Variants in PPP1R13B observed in about 807,000 individuals in gnomAD.
PPP1R13B encodes protein phosphatase 1 regulatory subunit 13B, also known as apoptosis-stimulating of p53 protein 1.
In PPP1R13B, 44 loss-of-function variants were observed where a neutral mutation model predicts 119.8. That is an observed-to-expected ratio of 0.37 (90% CI 0.29 to 0.47). The LOEUF (loss-of-function observed/expected upper bound fraction) is 0.47, where lower values mean the gene tolerates loss of function less well. Among genes scored for constraint, PPP1R13B ranks in the 20% least tolerant of loss-of-function variants. The probability of loss-of-function intolerance (pLI) is 0.99; values close to 1 mark genes in which losing one functional copy is unlikely to be tolerated. For synonymous variants in PPP1R13B, 542 were observed against 561.5 expected, an observed-to-expected ratio of 0.97 and a Z score of 0.49; for missense variants, 1,227 against 1,413.5, an observed-to-expected ratio of 0.87 and a Z score of 2.12.
At chr14:103,847,590 C>T (rs2087089852), upstream of PPP1R13B, 1 of 986,548 alleles carries the variant, frequency 1.0e-6, no homozygotes, top group Non-Finnish European at 1.2e-6. Context: ...CCCGCCCGCC[C>T]GGCTCGCTCT....
rs536314336 is a variant in PPP1R13B at position 103,770,747 on chromosome 14, A to T, written c.354+7998T>A. On this transcript the variant is annotated intron_variant, in intron 4 of 16. Transcript: ENST00000202556. ...GACACCCTGTATCACACTCCTGGTA[A>T]CAACACCTAAAAGGCAAGATAAAAC... 2.6e-5 allele frequency among the ~76,000 whole-genome samples: 4 copies of T among 152,306 alleles called. No homozygotes were observed. The South Asian group carries it at 8.3e-4, about 32-fold the overall frequency.
chr14:103,839,410 C>T (rs1417420037), intron 1 of PPP1R13B, among the ~76,000 whole-genome samples: 2 of 151,930 alleles, frequency 1.3e-5, no homozygotes, highest in Admixed American at 6.6e-5. Flanking sequence ...GGCAGATCAC[C>T]TGACGTTGGG....
chr14:103,782,469 G>A (rs985626716), intron 3 of PPP1R13B, among the ~76,000 whole-genome samples: 3 of 152,194 alleles, frequency 2.0e-5, no homozygotes, highest in Non-Finnish European at 4.4e-5. Context: ...ATGTGCCAGG[G>A]CACAGCTTTA....
chr14:103,737,708 G>A lies in PPP1R13B; in HGVS notation c.3017C>T (p.Ser1006Phe). The A allele has an allele frequency of 1.2e-6, 2 of 1,614,216 alleles. No homozygotes were observed. The highest frequency in any genetic ancestry group is 1.7e-6 in the Non-Finnish European group (2 of 1,180,034). The change falls in exon 15 of 17, where the codon TCC (serine) becomes TTC (phenylalanine). Residue 1006 changes from serine to phenylalanine, a missense_variant. Ser to Phe is a radical substitution (Grantham distance 155, BLOSUM62 -2). Transcript: ENST00000202556. Reference sequence around the variant, plus strand: ...CCCCTGCGTACCATATAGAAACTGGGAGCACTGGATGTAGCCTTCCTCCAT... The same window carrying A: ...CCCCTGCGTACCATATAGAAACTGGAAGCACTGGATGTAGCCTTCCTCCAT... Reference protein sequence around the residue: ...EEMEEGYIQCSQFLYGVQEKL... With the variant: ...EEMEEGYIQCFQFLYGVQEKL...
At chr14:103,766,497 C>T (rs147859027) in intron 4 of PPP1R13B, among the ~76,000 whole-genome samples, 46 of 152,320 alleles carry the variant, frequency 3.0e-4, no homozygotes, top group Non-Finnish European at 4.3e-4. Flanking sequence ...CTGGCTGCAG[C>T]TTGGTATCCG....
Position 103,742,429 on chromosome 14 carries a change from T to C in PPP1R13B, c.1321-138A>G, listed in dbSNP as rs1349121152. 7.6e-7 allele frequency: 1 copy of C among 1,310,144 alleles called. No individual in the cohort carries two copies. The highest frequency in any genetic ancestry group is 1.0e-6 in the Non-Finnish European group (1 of 971,016). The allele number at this position is 1,310,144 out of a possible 1,614,324, so 81.2% of individuals were successfully genotyped here. On this transcript the variant is annotated intron_variant, in intron 10 of 16. Coordinates refer to ENST00000202556, the MANE Select transcript of PPP1R13B (RefSeq NM_015316.3). The surrounding 1 kb of genome is among the most constrained non-coding windows in gnomAD (Gnocchi z 4.9). ...TGTGACCAGGACTTGGGGCACACTG[T>C]TGAGCTCATTGCCTGTCTGCAAAAG...
At chr14:103,756,021 A>G (rs551172369) in intron 5 of PPP1R13B, among the ~76,000 whole-genome samples, 1 of 152,186 alleles carries the variant, frequency 6.6e-6, no homozygotes, top group African/African-American at 2.4e-5. Context: ...AAATCTCTCT[A>G]CAGAAGAAAG....
intron 1 of PPP1R13B, among the ~76,000 whole-genome samples, chr14:103,801,893 A>G (rs913318720): frequency 2.6e-5 from 4 of 152,188 alleles, no homozygotes; most frequent in African/African-American, 7.2e-5. Context: ...GCACATTTCT[A>G]TTTTACAATA....
intron 4 of PPP1R13B, among the ~76,000 whole-genome samples, chr14:103,767,833 A>G (rs1024586096): frequency 2.0e-5 from 3 of 152,044 alleles, no homozygotes; most frequent in Non-Finnish European, 2.9e-5. Flanking sequence ...TTCTTTTGGG[A>G]AGTATTGCCC....
At chr14:103,743,212 A>G (rs373691788) in intron 9 of PPP1R13B, among the ~76,000 whole-genome samples, 18 of 152,384 alleles carry the variant, frequency 1.2e-4, no homozygotes, top group African/African-American at 3.8e-4. Context: ...ACTATTTATG[A>G]ATACAATTAC....
intron 2 of PPP1R13B, among the ~76,000 whole-genome samples, chr14:103,789,643 A>T (rs1193522230): frequency 2.0e-5 from 3 of 151,972 alleles, no homozygotes; most frequent in Non-Finnish European, 4.4e-5. Context: ...CCTCTTGAGT[A>T]GCTGGGATTA....
intron 2 of PPP1R13B, among the ~76,000 whole-genome samples, chr14:103,796,963 C>CA (rs1165157347): frequency 7.2e-6 from 1 of 138,994 alleles, no homozygotes; most frequent in Non-Finnish European, 1.6e-5. Flanking sequence ...TGTCAGAAAA[C>CA]AAAAAACAAA....
At position 103,847,453 on chromosome 14, in the gene PPP1R13B, G is replaced by C; in HGVS notation, c.-146C>G. ...CCGCGGCGAGGCGGCAGCTGCGGCG[G>C]GCTGCGGGGCTCTCGCTGGCCCTGT... On this transcript the variant is annotated 5_prime_UTR_variant, in exon 1 of 17. Coordinates refer to ENST00000202556, the MANE Select transcript of PPP1R13B (RefSeq NM_015316.3). The C allele has an allele frequency of 6.0e-6, 6 of 999,420 alleles. No homozygotes were observed. In the South Asian group the frequency reaches 2.7e-4, roughly 45 times the overall value. 61.9% of individuals were successfully genotyped at this position (999,420 alleles called of 1,614,324 possible).
intron 4 of PPP1R13B, chr14:103,764,375 A>G (rs751815941): frequency 4.3e-6 from 1 of 231,908 alleles, no homozygotes; most frequent in Non-Finnish European, 9.0e-6. Context: ...ATCTTTTCAT[A>G]TGCCTGTTAG....
At chr14:103,778,984 C>G (rs1425711750) in intron 3 of PPP1R13B, among the ~76,000 whole-genome samples, 163 bp from the exon 4 acceptor site, 1 of 152,152 alleles carries the variant, frequency 6.6e-6, no homozygotes, top group East Asian at 1.9e-4. Context: ...TACAATTAAT[C>G]TTTTATATAT....
Position 103,847,014 on chromosome 14 carries a change from G to A in PPP1R13B, c.9+285C>T, listed in dbSNP as rs2087057460. On this transcript the variant is annotated intron_variant, in intron 1 of 16. Coordinates refer to ENST00000202556, the MANE Select transcript of PPP1R13B (RefSeq NM_015316.3). ...CCAGCGTCCGACCGCGCACCTGAGA[G>A]GACCGAGGAGATGACCGGCCCCAAA... 4 of 1,150,080 alleles carry A rather than the reference G, an allele frequency of 3.5e-6. No individual in the cohort carries two copies. In the South Asian group the frequency reaches 5.2e-5, roughly 15 times the overall value. The allele number at this position is 1,150,080 out of a possible 1,614,324, so 71.2% of individuals were successfully genotyped here. A position where few individuals can be genotyped will look rare whatever the true frequency, so the allele number is the denominator to read the frequency against.
chr14:103,780,482 T>C (rs1194460783), intron 3 of PPP1R13B, among the ~76,000 whole-genome samples: 2 of 70,250 alleles, frequency 2.8e-5, no homozygotes, highest in Non-Finnish European at 2.4e-5. Context: ...TGAAACCCTG[T>C]CTCAAAAAAA....
At chr14:103,753,956 A>T (rs2084612393) in intron 6 of PPP1R13B, 114 bp downstream of exon 6, 1 of 1,286,812 alleles carries the variant, frequency 7.8e-7, no homozygotes, top group African/African-American at 1.5e-5. Context: ...AAACTTGAGC[A>T]CGCTTGCTAT....
chr14:103,836,164 C>A (rs1404381404), intron 1 of PPP1R13B, among the ~76,000 whole-genome samples: 1 of 151,020 alleles, frequency 6.6e-6, no homozygotes, highest in Non-Finnish European at 1.5e-5. Flanking sequence ...TCCTGCCTCA[C>A]CCTCCCAAAT....
Sources: gnomAD v4.1 joint callset for allele counts (sites outside exome capture counted in the v4.1 genomes callset) on GRCh38, gnomAD v4.1.1 for gene constraint, Gnocchi (gnomAD v3.1) non-coding constraint, MANE v1.5 for transcripts, NCBI Gene and HGNC (gene_info 2026-07-23, HGNC 2026-07-21) for gene names.